PLCB4: variants seen among roughly 807,000 people sequenced by gnomAD.
PLCB4 encodes 1-phosphatidylinositol 4,5-bisphosphate phosphodiesterase beta-4.
In PLCB4, 77 loss-of-function variants were observed where a neutral mutation model predicts 178.8. The observed-to-expected ratio is 0.43, with a 90% CI of 0.36 to 0.52. The LOEUF is 0.52. Among genes scored for constraint, PLCB4 ranks in the 20% least tolerant of loss-of-function variants. PLCB4 has a pLI of 0.00. For synonymous variants in PLCB4, 496 were observed against 490.8 expected (o/e 1.01, Z -0.14); for missense variants, 1,024 against 1,453.4 (o/e 0.70, Z 4.80).
chr20:9,258,066 C>T (rs760157974), intron 3 of PLCB4, among the ~76,000 whole-genome samples: 86 of 152,130 alleles, frequency 5.7e-4, no homozygotes, highest in Non-Finnish European at 9.9e-4. Context: ...AATCATTCCA[C>T]GTGGTCCTAC....
rs146662290 is a variant in PLCB4, at chr20:9,401,120, A to G, written c.1511-370A>G. Reference sequence around the variant, plus strand: ...CATCTTCTTATTTGCTCTTGATGTCATGAAAGATCAAAACACCTTTTTATG... The same window carrying G: ...CATCTTCTTATTTGCTCTTGATGTCGTGAAAGATCAAAACACCTTTTTATG... On this transcript the variant is annotated intron_variant, in intron 19 of 39. Coordinates refer to ENST00000378473, the MANE Select transcript of PLCB4 (RefSeq NM_001377142.1). Among the ~76,000 whole-genome samples, 258 of 152,320 alleles carry G rather than the reference A, an allele frequency of 1.7e-3. 2 individuals are homozygous for G. Among genetic ancestry groups the G allele is most frequent in the African/African-American group, 5.9e-3 (244 of 41,568 alleles).
intron 12 of PLCB4, among the ~76,000 whole-genome samples, chr20:9,373,460 A>T (rs565964975): frequency 6.6e-6 from 1 of 152,356 alleles, no homozygotes; most frequent in Admixed American, 6.5e-5. Flanking sequence ...TAGAAAGAGA[A>T]TGGATTGAGT....
chr20:9,420,845 T>A (rs1444369216), intron 26 of PLCB4, among the ~76,000 whole-genome samples: 1 of 152,208 alleles, frequency 6.6e-6, no homozygotes, highest in Non-Finnish European at 1.5e-5. Context: ...ATATCAGTAA[T>A]GACAGACAAA....
At chr20:9,391,772 AC>A (rs2038165837) in intron 17 of PLCB4, among the ~76,000 whole-genome samples, 1 of 152,154 alleles carries the variant, frequency 6.6e-6, no homozygotes, top group African/African-American at 2.4e-5. Flanking sequence ...CACATGAAAG[AC>A]CAGCAGTGCC....
intron 2 of PLCB4, among the ~76,000 whole-genome samples, chr20:9,192,169 C>T (rs989056188): frequency 4.6e-5 from 7 of 152,210 alleles, no homozygotes; most frequent in South Asian, 2.1e-4. Context: ...GCCATCGAGC[C>T]GGCAGTAGGG....
chr20:9,442,357 C>T (rs2042158759), intron 30 of PLCB4, among the ~76,000 whole-genome samples: 2 of 148,610 alleles, frequency 1.3e-5, no homozygotes, highest in Non-Finnish European at 3.0e-5. Flanking sequence ...GCAGATGGAA[C>T]TGTCCTCTTC....
intron 1 of PLCB4, among the ~76,000 whole-genome samples, chr20:9,081,113 C>G (rs2090125347): frequency 6.6e-6 from 1 of 152,198 alleles, no homozygotes; most frequent in African/African-American, 2.4e-5. Flanking sequence ...CAGTGAGCAT[C>G]AGGTACTTTA....
chr20:9,334,375 A>G (rs1478432658), intron 4 of PLCB4, among the ~76,000 whole-genome samples: 1 of 152,162 alleles, frequency 6.6e-6, no homozygotes, highest in Non-Finnish European at 1.5e-5. Context: ...GGTAATGGAA[A>G]CAGTGAATAT....
intron 14 of PLCB4, among the ~76,000 whole-genome samples, chr20:9,385,625 C>T (rs1243750096): frequency 6.1e-5 from 9 of 147,936 alleles, no homozygotes; most frequent in African/African-American, 1.0e-4. Context: ...GATGGGGTGG[C>T]GGCCGGGCAG....
chr20:9,196,450 C>T (rs921950338), intron 2 of PLCB4, among the ~76,000 whole-genome samples: 1 of 152,144 alleles, frequency 6.6e-6, no homozygotes, highest in Non-Finnish European at 1.5e-5. Context: ...TATTCCCCTG[C>T]TCCTTGCAAG....
At chr20:9,247,324 TC>T in intron 3 of PLCB4, among the ~76,000 whole-genome samples, 1 of 152,338 alleles carries the variant, frequency 6.6e-6, no homozygotes, top group Admixed American at 6.5e-5. Flanking sequence ...GCCTCTGTTT[TC>T]CCCAGTTGTC....
intron 3 of PLCB4, among the ~76,000 whole-genome samples, chr20:9,305,591 T>A (rs1350898957): frequency 1.3e-5 from 2 of 152,144 alleles, no homozygotes; most frequent in Non-Finnish European, 2.9e-5. Context: ...ATTGTTTCTT[T>A]TTACTTTATT....
Position 9,473,280 on chromosome 20 carries a change from T to C in PLCB4, c.3410T>C (p.Leu1137Pro). ...TTTTTTTTTTTTTTTTTTTTGCAGC[T>C]TGCCATGAAGCAGTCCAAAGAAATG... is the stretch of plus-strand genomic sequence containing the variant. ...TKKFLEERKR[L>P]AMKQSKEMDQ... Residue 1137 changes from leucine to proline, a missense_variant and splice_region_variant, in exon 38 of 40, where the codon CTT (leucine) becomes CCT (proline). Around this residue, in one of 7 missense-constraint regions of PLCB4, gnomAD observed 264 missense variants for 283.2 expected, o/e 0.93. Coordinates refer to ENST00000378473, the MANE Select transcript of PLCB4 (RefSeq NM_001377142.1). The C allele has an allele frequency of 1.3e-6, 2 of 1,484,240 alleles. No individual in the cohort carries two copies. The highest frequency in any genetic ancestry group is 2.3e-5 in the Admixed American group (1 of 43,102). 91.9% of individuals were successfully genotyped at this position (1,484,240 alleles called of 1,614,324 possible).
chr20:9,440,798 A>G (rs1351335709), intron 30 of PLCB4, among the ~76,000 whole-genome samples: 1 of 152,202 alleles, frequency 6.6e-6, no homozygotes, highest in Non-Finnish European at 1.5e-5. Flanking sequence ...GGTAGATACT[A>G]GAGGAGAGAG....
intron 20 of PLCB4, among the ~76,000 whole-genome samples, chr20:9,403,122 G>A (rs1340679481): frequency 6.6e-6 from 1 of 152,030 alleles, no homozygotes; most frequent in Non-Finnish European, 1.5e-5. Flanking sequence ...TCCTGTAAAG[G>A]TATTAGTTGC....
intron 2 of PLCB4, among the ~76,000 whole-genome samples, chr20:9,194,825 T>C (rs537441180): frequency 1.3e-4 from 19 of 151,906 alleles, no homozygotes; most frequent in South Asian, 1.0e-3. Context: ...GGAAAATACA[T>C]GGGGCTTGCT....
chr20:9,448,173 C>A (rs1156894960), intron 32 of PLCB4, among the ~76,000 whole-genome samples: 1 of 152,156 alleles, frequency 6.6e-6, no homozygotes, highest in East Asian at 1.9e-4. Context: ...CACTAATCGC[C>A]TGCAAAGACA....
chr20:9,244,671 A>G (rs2094105720), intron 3 of PLCB4, among the ~76,000 whole-genome samples: 1 of 152,196 alleles, frequency 6.6e-6, no homozygotes, highest in African/African-American at 2.4e-5. Context: ...AGTTAAGTAA[A>G]GAGTGTTTAG....
At chr20:9,294,857 A>G (rs1302255309) in intron 3 of PLCB4, among the ~76,000 whole-genome samples, 2 of 152,108 alleles carry the variant, frequency 1.3e-5, no homozygotes, top group Non-Finnish European at 2.9e-5. Flanking sequence ...TTAAGAACCA[A>G]TAATCTAAGG....
Sources: allele counts gnomAD v4.1 joint callset (sites outside exome capture counted in the v4.1 genomes callset), GRCh38; gene constraint gnomAD v4.1.1; regional missense constraint gnomAD v4.1.1; transcripts MANE v1.5; gene names NCBI Gene and HGNC (gene_info 2026-07-23, HGNC 2026-07-21).